The following USP15 variants were observed in gnomAD, a reference collection of about 807,000 sequenced individuals.
The protein encoded by USP15 is ubiquitin specific peptidase 15.
A neutral mutation model predicts 127.1 loss-of-function variants in USP15; 18 were observed. The observed-to-expected ratio is 0.14, with a 90% CI of 0.10 to 0.21. The LOEUF is 0.21. Ranked by LOEUF, USP15 falls within the 10% of genes least tolerant of loss-of-function variation. The probability of loss-of-function intolerance (pLI) is 1.00; values close to 1 mark genes in which losing one functional copy is unlikely to be tolerated. For synonymous variants in USP15, 364 were observed against 393.7 expected (o/e 0.92, Z 0.89); for missense variants, 805 against 1,159.9 (o/e 0.69, Z 4.44).
intron 2 of USP15, among the ~76,000 whole-genome samples, chr12:62,297,119 T>C (rs1430030859): frequency 3.3e-5 from 5 of 152,156 alleles, no homozygotes; most frequent in Non-Finnish European, 5.9e-5. Context: ...TTCAGTGTGC[T>C]GCTTGAGGGG....
chr12:62,310,280 T>G lies in USP15; in HGVS notation c.349-4510T>G, dbSNP rs372393579. ...TGTCCTTCACCCAAATTCAATACAT[T>G]TTTGTTAAGTATAGTCACCCTGCTC... On this transcript the variant is annotated intron_variant, in intron 3 of 21. Transcript: ENST00000280377. Among the ~76,000 whole-genome samples, 4 of 151,922 alleles carry G rather than the reference T, an allele frequency of 2.6e-5. No individual in the cohort carries two copies. In the East Asian group the frequency reaches 7.7e-4, roughly 29 times the overall value.
rs1285227214 is a variant in USP15, at chr12:62,413,408, G to A, written c.*9033G>A. ...TTCTCTAGCTATGAAAGTCCTGGAT[G>A]ACATCTTCCAACATAAGACTTTCAT... On this transcript the variant is annotated 3_prime_UTR_variant, in exon 22 of 22. Coordinates refer to ENST00000280377, the MANE Select transcript of USP15 (RefSeq NM_001252078.2). The A allele has an allele frequency of 6.6e-6, 1 of 152,194 alleles. No homozygotes were observed. Among genetic ancestry groups the A allele is most frequent in the African/African-American group, 2.4e-5 (1 of 41,444 alleles). The allele number at this position is 152,194 out of a possible 1,614,324, so 9.4% of individuals were successfully genotyped here.
At chr12:62,395,116 A>G (rs1027426628) in intron 19 of USP15, among the ~76,000 whole-genome samples, 2 of 152,138 alleles carry the variant, frequency 1.3e-5, no homozygotes, top group Admixed American at 1.3e-4. Flanking sequence ...GGTTTGATAT[A>G]TTAATATTTT....
At chr12:62,309,000 G>A (rs1263269234) in intron 3 of USP15, among the ~76,000 whole-genome samples, 1 of 152,116 alleles carries the variant, frequency 6.6e-6, no homozygotes, top group Non-Finnish European at 1.5e-5. Flanking sequence ...TATAGCTTCA[G>A]TGCAAATATT....
chr12:62,361,703 C>T (rs1012821944), intron 8 of USP15, among the ~76,000 whole-genome samples: 1 of 151,458 alleles, frequency 6.6e-6, no homozygotes, highest in Admixed American at 6.6e-5. Flanking sequence ...AGATTTGCTC[C>T]CTCCCTCCAA....
intron 20 of USP15, among the ~76,000 whole-genome samples, chr12:62,396,857 C>T (rs1198317314): frequency 1.3e-5 from 2 of 152,168 alleles, no homozygotes; most frequent in African/African-American, 4.8e-5. Context: ...TATTTTATCT[C>T]TCCACTTACC....
chr12:62,356,615 A>G (rs2066139556), intron 8 of USP15, among the ~76,000 whole-genome samples: 1 of 151,988 alleles, frequency 6.6e-6, no homozygotes, highest in Admixed American at 6.6e-5. Context: ...CTATCTGCCT[A>G]AGCAGATAGG....
At chr12:62,375,616 T>G (rs748053495) in intron 8 of USP15, among the ~76,000 whole-genome samples, 12 of 152,142 alleles carry the variant, frequency 7.9e-5, no homozygotes, top group Admixed American at 2.0e-4. Flanking sequence ...GATACGACAT[T>G]TAGAAGAGAT....
chr12:62,332,660 G>A (rs1186342273), intron 6 of USP15, among the ~76,000 whole-genome samples: 4 of 152,122 alleles, frequency 2.6e-5, no homozygotes. Context: ...TTTTGAAGAG[G>A]TGATTTTTCT....
chr12:62,264,551 A>G (rs2063150580), intron 1 of USP15, among the ~76,000 whole-genome samples: 1 of 152,222 alleles, frequency 6.6e-6, no homozygotes, highest in Admixed American at 6.5e-5. Context: ...GTGTGAAGTC[A>G]TTTAAAATCT....
chr12:62,336,220 T>G (rs1184303875), intron 6 of USP15: 3 of 985,322 alleles, frequency 3.0e-6, no homozygotes. Flanking sequence ...ACACAAAATA[T>G]GCCATTCTGT....
intron 2 of USP15, among the ~76,000 whole-genome samples, chr12:62,300,606 C>CAT (rs2064282716): frequency 6.6e-6 from 1 of 152,082 alleles, no homozygotes; most frequent in Non-Finnish European, 1.5e-5. Context: ...TAGATCTACA[C>CAT]ATATATAGTC....
rs1215964303 is a variant in USP15 at position 62,411,683 on chromosome 12, T to G, written c.*7308T>G. 1 of 152,184 alleles carries G rather than the reference T, an allele frequency of 6.6e-6. No individual in the cohort carries two copies. The highest frequency in any genetic ancestry group is 1.5e-5 in the Non-Finnish European group (1 of 68,024). 9.4% of individuals were successfully genotyped at this position (152,184 alleles called of 1,614,324 possible). On this transcript the variant is annotated 3_prime_UTR_variant, in exon 22 of 22. Coordinates refer to ENST00000280377, the MANE Select transcript of USP15 (RefSeq NM_001252078.2). ...TCAGGCTGCCATAACAAACACAGAC[T>G]GGGTGGCTTAAATAACAGAAATTTA...
At chr12:62,265,969 T>G (rs1386498860) in intron 1 of USP15, among the ~76,000 whole-genome samples, 1 of 152,200 alleles carries the variant, frequency 6.6e-6, no homozygotes, top group Non-Finnish European at 1.5e-5. Context: ...AATTCTACCA[T>G]TTGCCTCTTG....
intron 3 of USP15, among the ~76,000 whole-genome samples, chr12:62,309,388 G>C (rs1189283816): frequency 6.6e-6 from 1 of 152,030 alleles, no homozygotes; most frequent in African/African-American, 2.4e-5. Context: ...TAGGAAACTC[G>C]AATTCACCTA....
At chr12:62,363,678 C>A (rs2066385155) in intron 8 of USP15, among the ~76,000 whole-genome samples, 1 of 152,072 alleles carries the variant, frequency 6.6e-6, no homozygotes, top group Admixed American at 6.6e-5. Flanking sequence ...GACACCCTCT[C>A]CCCGCGTCCC....
intron 3 of USP15, among the ~76,000 whole-genome samples, chr12:62,309,915 G>C (rs2064607852): frequency 6.6e-6 from 1 of 151,462 alleles, no homozygotes; most frequent in African/African-American, 2.4e-5. Flanking sequence ...AATATTAAAA[G>C]TTCTTCCCAA....
intron 1 of USP15, among the ~76,000 whole-genome samples, chr12:62,273,694 C>A (rs1367960819): frequency 6.6e-6 from 1 of 151,936 alleles, no homozygotes; most frequent in African/African-American, 2.4e-5. Context: ...TAGGAAACTT[C>A]TTCAGAGAAT....
intron 19 of USP15, among the ~76,000 whole-genome samples, chr12:62,396,037 G>GA: frequency 6.6e-6 from 1 of 152,036 alleles, no homozygotes; most frequent in Non-Finnish European, 1.5e-5. Context: ...TATACTCAAT[G>GA]AAGCATTTTA....
Sources: allele counts gnomAD v4.1 joint callset (sites outside exome capture counted in the v4.1 genomes callset), GRCh38; gene constraint gnomAD v4.1.1; transcripts MANE v1.5; gene names NCBI Gene and HGNC (gene_info 2026-07-23, HGNC 2026-07-21).